CAMK4: variants seen among roughly 807,000 people sequenced by gnomAD.
CAMK4 encodes the protein calcium/calmodulin-dependent protein kinase type IV.
CAMK4 carries 22 observed loss-of-function variants against 44.9 expected under a neutral mutation model. That is an observed-to-expected ratio of 0.49 (90% CI 0.35 to 0.70). The LOEUF (loss-of-function observed/expected upper bound fraction) is 0.70. Ranked by LOEUF, CAMK4 falls within the 30% of genes least tolerant of loss-of-function variation. The pLI is 0.01. For missense variants in CAMK4, 498 were observed against 586.8 expected (o/e 0.85, Z 1.56); for synonymous variants, 218 against 215.4 (o/e 1.01, Z -0.11).
At position 111,312,510 on chromosome 5, in the gene CAMK4, A is replaced by T. The variant is rs543135165; in HGVS notation, c.162-31514A>T. On this transcript the variant is annotated intron_variant, in intron 1 of 10. Transcript: ENST00000282356. Reference sequence around the variant, plus strand: ...AGGTGTCAGTTATTATTGTATTCCAAGAGACCTGAATTTGTTCATGTTTTT... The same window carrying T: ...AGGTGTCAGTTATTATTGTATTCCATGAGACCTGAATTTGTTCATGTTTTT... Among the ~76,000 whole-genome samples the T allele has an allele frequency of 3.3e-5, 5 of 152,276 alleles. No homozygotes were observed. The South Asian group carries it at 1.0e-3, about 32-fold the overall frequency.
intron 7 of CAMK4, among the ~76,000 whole-genome samples, chr5:111,455,763 ATTG>A (rs1019179977): frequency 2.6e-5 from 4 of 152,084 alleles, no homozygotes; most frequent in South Asian, 2.1e-4. Context: ...CTGTTGTGGT[ATTG>A]TTGTTGTTCA....
Position 111,467,675 on chromosome 5 carries a change from T to C in CAMK4, c.626-5636T>C, listed in dbSNP as rs540766497. ...CAATGCCACCTTACTCCTGCAAGAATGGCTATAATCAAAAAATCAAAAAAT... is the reference window on the plus strand; with the variant it reads ...CAATGCCACCTTACTCCTGCAAGAACGGCTATAATCAAAAAATCAAAAAAT... On this transcript the variant is annotated intron_variant, in intron 7 of 10. Transcript: ENST00000282356. Among the ~76,000 whole-genome samples, 6 of 152,262 alleles carry C rather than the reference T, an allele frequency of 3.9e-5. No individual in the cohort carries two copies. The East Asian group carries it at 1.2e-3, about 29-fold the overall frequency.
intron 1 of CAMK4, among the ~76,000 whole-genome samples, chr5:111,273,165 A>G (rs1467700715): frequency 6.6e-6 from 1 of 152,092 alleles, no homozygotes; most frequent in African/African-American, 2.4e-5. Context: ...TTTAGTTATG[A>G]TTTCTCATTA....
Position 111,485,832 on chromosome 5 carries a change from G to A in CAMK4, c.*1366G>A, listed in dbSNP as rs1755595326. On this transcript the variant is annotated 3_prime_UTR_variant, in exon 11 of 11. Transcript: ENST00000282356. Reference sequence around the variant, plus strand: ...GTTTAATTTCTCTTTGACTTTCATAGAAACACTTTCCCCTTATAGAAATTG... The same window carrying A: ...GTTTAATTTCTCTTTGACTTTCATAAAAACACTTTCCCCTTATAGAAATTG... The A allele has an allele frequency of 6.6e-6, 1 of 152,096 alleles. No homozygotes were observed. The highest frequency in any genetic ancestry group is 2.1e-4 in the South Asian group (1 of 4,824). 9.4% of individuals were successfully genotyped at this position (152,096 alleles called of 1,614,324 possible).
chr5:111,477,131 C>T (rs1188208719), intron 8 of CAMK4, among the ~76,000 whole-genome samples: 2 of 152,158 alleles, frequency 1.3e-5, no homozygotes, highest in Non-Finnish European at 2.9e-5. Context: ...CCTGTCTCAC[C>T]TTAGGCTGCT....
At chr5:111,394,878 A>G (rs1262234211) in intron 5 of CAMK4, 96 bp downstream of exon 5, 2 of 772,818 alleles carry the variant, frequency 2.6e-6, no homozygotes, top group East Asian at 2.7e-5. Flanking sequence ...TAAGCCATAC[A>G]TTTTACAGCA....
intron 4 of CAMK4, among the ~76,000 whole-genome samples, chr5:111,378,086 T>C (rs981970456): frequency 6.6e-6 from 1 of 152,040 alleles, no homozygotes; most frequent in African/African-American, 2.4e-5. Context: ...TATTAGGAGA[T>C]GGGATCTTTG....
Position 111,493,878 on chromosome 5 carries a change from A to G in CAMK4, c.*9412A>G, listed in dbSNP as rs1755956046. ...TATTCCTGAAGACAAATGAAGGAAGATAGGGAGCAAGATTGACTGTCATTT... is the reference window on the plus strand; with the variant it reads ...TATTCCTGAAGACAAATGAAGGAAGGTAGGGAGCAAGATTGACTGTCATTT... On this transcript the variant is annotated 3_prime_UTR_variant, in exon 11 of 11. Transcript: ENST00000282356. The surrounding 1 kb of genome is among the most constrained non-coding windows in gnomAD (Gnocchi z 4.1). 6.6e-6 allele frequency: 1 copy of G among 152,184 alleles called. No homozygotes were observed. The highest frequency in any genetic ancestry group is 2.1e-4 in the South Asian group (1 of 4,832). 9.4% of individuals were successfully genotyped at this position (152,184 alleles called of 1,614,324 possible). A position where few individuals can be genotyped will look rare whatever the true frequency, so the allele number is the denominator to read the frequency against.
intron 1 of CAMK4, among the ~76,000 whole-genome samples, chr5:111,309,352 A>G (rs751982866): frequency 9.2e-5 from 14 of 152,310 alleles, no homozygotes; most frequent in Admixed American, 4.6e-4. Context: ...AGGCAGCATG[A>G]TCAAAGATGT....
chr5:111,225,818 T>C (rs1748162233), intron 1 of CAMK4, among the ~76,000 whole-genome samples: 1 of 152,222 alleles, frequency 6.6e-6, no homozygotes, highest in South Asian at 2.1e-4. Flanking sequence ...AACTTCTGAA[T>C]GAAAATTCAG....
Position 111,484,541 on chromosome 5 carries a change from G to A in CAMK4, c.*75G>A, listed in dbSNP as rs555909166. On this transcript the variant is annotated 3_prime_UTR_variant, in exon 11 of 11. Transcript: ENST00000282356. This position sits in a 1 kb window ranked among gnomAD's most constrained non-coding sequence, Gnocchi z 5.3. ...GTCCTTCAGCAAGAAAGGTGTGGAA[G>A]CATGATATGTACTATAGTGATTCTG... 44 of 1,006,714 alleles carry A rather than the reference G, an allele frequency of 4.4e-5. No individual in the cohort carries two copies. In the Admixed American group the frequency reaches 8.0e-4, roughly 18 times the overall value. The allele number at this position is 1,006,714 out of a possible 1,614,324, so 62.4% of individuals were successfully genotyped here.
intron 1 of CAMK4, among the ~76,000 whole-genome samples, chr5:111,330,680 T>G (rs567445169): frequency 6.6e-6 from 1 of 151,784 alleles, no homozygotes; most frequent in African/African-American, 2.4e-5. Context: ...ATAAGGGACT[T>G]GAGCATCCAT....
chr5:111,322,268 T>C (rs1429337800), intron 1 of CAMK4, among the ~76,000 whole-genome samples: 9 of 152,066 alleles, frequency 5.9e-5, no homozygotes, highest in African/African-American at 2.2e-4. Flanking sequence ...TGAGGGTAGG[T>C]AGGCATGTAC....
intron 2 of CAMK4, among the ~76,000 whole-genome samples, chr5:111,373,675 C>G (rs1363901375): frequency 1.3e-5 from 2 of 152,030 alleles, no homozygotes; most frequent in Non-Finnish European, 2.9e-5. Flanking sequence ...AGGGGAGAAC[C>G]CATTTCCCAT....
intron 1 of CAMK4, among the ~76,000 whole-genome samples, chr5:111,300,022 C>T (rs998818485): frequency 2.6e-5 from 4 of 152,204 alleles, no homozygotes; most frequent in African/African-American, 9.6e-5. Flanking sequence ...TATCTGGGTT[C>T]TAACTCAGTC....
chr5:111,492,369 C>T lies in CAMK4; in HGVS notation c.*7903C>T, dbSNP rs1221216549. Reference sequence around the variant, plus strand: ...TATAATATAGCCACTAGGATACACTCGCTGTAGAACTCAGAACAAAAGATA... The same window carrying T: ...TATAATATAGCCACTAGGATACACTTGCTGTAGAACTCAGAACAAAAGATA... On this transcript the variant is annotated 3_prime_UTR_variant, in exon 11 of 11. Transcript: ENST00000282356. 6.6e-6 allele frequency: 1 copy of T among 152,128 alleles called. No homozygotes were observed. The highest frequency in any genetic ancestry group is 1.9e-4 in the East Asian group (1 of 5,204). 9.4% of individuals were successfully genotyped at this position (152,128 alleles called of 1,614,324 possible).
chr5:111,423,609 G>A (rs936774970), intron 5 of CAMK4, among the ~76,000 whole-genome samples: 7 of 152,288 alleles, frequency 4.6e-5, no homozygotes, highest in East Asian at 1.9e-4. Flanking sequence ...AATGGCTCTC[G>A]ATCCTGCAGA....
chr5:111,227,944 A>T (rs62376851), intron 1 of CAMK4, among the ~76,000 whole-genome samples: 30,054 of 152,132 alleles, frequency 0.2, 3,368 homozygotes, highest in Non-Finnish European at 0.26. Context: ...TTGCCCAGTG[A>T]TTTGAGAAAC....
chr5:111,475,108 A>T (rs1234692956), intron 8 of CAMK4, among the ~76,000 whole-genome samples: 1 of 152,192 alleles, frequency 6.6e-6, no homozygotes, highest in Non-Finnish European at 1.5e-5. Context: ...GATTGCAGTG[A>T]GCTGAGATCT....
Sources: gnomAD v4.1 joint callset for allele counts (sites outside exome capture counted in the v4.1 genomes callset) on GRCh38, gnomAD v4.1.1 for gene constraint, Gnocchi (gnomAD v3.1) non-coding constraint, MANE v1.5 for transcripts, NCBI Gene and HGNC (gene_info 2026-07-23, HGNC 2026-07-21) for gene names.